Variants in CSAD observed in about 807,000 individuals in gnomAD.
CSAD encodes cysteine sulfinic acid decarboxylase.
Under a neutral mutation model 61.5 loss-of-function variants are expected in CSAD, and 47 were observed. The ratio of observed to expected loss-of-function variants is 0.76; its 90% confidence interval spans 0.60 to 0.97. The LOEUF is 0.97. Ranked by LOEUF, CSAD falls within the 50% of genes least tolerant of loss-of-function variation. CSAD has a pLI of 0.00. For missense variants in CSAD, 611 were observed against 643.6 expected (o/e 0.95, Z 0.55); for synonymous variants, 245 against 252.7 (o/e 0.97, Z 0.29).
intron 8 of CSAD, chr12:53,171,021 A>C: frequency 1.9e-6 from 1 of 537,210 alleles, no homozygotes; most frequent in African/African-American, 1.9e-5. Flanking sequence ...GTGCCCGGCC[A>C]GATTCTGCAT....
chr12:53,180,080 G>A, intron 1 of CSAD: 1 of 1,393,596 alleles, frequency 7.2e-7, no homozygotes, highest in Non-Finnish European at 9.3e-7. Context: ...GAGGAGGGCT[G>A]GGGCTTTGAC....
At chr12:53,162,544 G>A (rs568629237) in intron 10 of CSAD, among the ~76,000 whole-genome samples, 11 of 152,248 alleles carry the variant, frequency 7.2e-5, no homozygotes, top group African/African-American at 2.4e-4. Flanking sequence ...CTCCAGTCTG[G>A]GTGACAAAGT....
chr12:53,170,596 G>T, intron 8 of CSAD, 94 bp from the exon 9 acceptor site: 1 of 915,072 alleles, frequency 1.1e-6, no homozygotes, highest in South Asian at 1.3e-5. Flanking sequence ...ATGGGATCCT[G>T]TAGACCAGGG....
chr12:53,173,863 A>T, intron 2 of CSAD, 93 bp from the exon 3 acceptor site: 1 of 1,243,290 alleles, frequency 8.0e-7, no homozygotes, highest in Non-Finnish European at 1.2e-6. Context: ...TGTTGCAACC[A>T]TCATCACTAT....
chr12:53,160,735 G>T, intron 13 of CSAD, 28 bp downstream of exon 13: 2 of 1,531,020 alleles, frequency 1.3e-6, no homozygotes, highest in Non-Finnish European at 1.8e-6. Flanking sequence ...GAGAGGTGGG[G>T]CTGGTGCAGG....
chr12:53,171,626 C>G (rs1230143515), intron 7 of CSAD, 185 bp from the exon 8 acceptor site: 2 of 647,176 alleles, frequency 3.1e-6, no homozygotes, highest in Non-Finnish European at 5.3e-6. Flanking sequence ...TTGACCACAC[C>G]TCTCCACATC....
intron 3 of CSAD, 116 bp downstream of exon 3, chr12:53,173,612 G>GC: frequency 6.6e-7 from 1 of 1,516,936 alleles, no homozygotes; most frequent in Non-Finnish European, 9.1e-7. Context: ...ACAGACAAGG[G>GC]CAAGTGAGAG....
At chr12:53,172,262 C>A in intron 6 of CSAD, 84 bp downstream of exon 6, 2 of 1,223,372 alleles carry the variant, frequency 1.6e-6, no homozygotes, top group Non-Finnish European at 2.4e-6. Context: ...GAGGGCAGAA[C>A]CATTCTCCTC....
At position 53,160,324 on chromosome 12, in the gene CSAD, G is replaced by T. The variant is rs779233686; in HGVS notation, c.967-5C>A. ...ATGGCAGCGCTTGAGCAGGTTCTGT[G>T]TGGGGGTGAGGAGATTGTCAGACCC... On this transcript the variant is annotated splice_region_variant and splice_polypyrimidine_tract_variant and intron_variant, in intron 13 of 16. Coordinates refer to ENST00000444623, the MANE Select transcript of CSAD (RefSeq NM_001244705.2). 1 of 1,613,978 alleles carries T rather than the reference G, an allele frequency of 6.2e-7. No individual in the cohort carries two copies. Among genetic ancestry groups the T allele is most frequent in the Non-Finnish European group, 8.5e-7 (1 of 1,179,998 alleles).
In CSAD at chr12:53,171,927, G is replaced by A. The variant is rs140068701; in HGVS notation, c.406C>T (p.Arg136Trp). The A allele has an allele frequency of 4.1e-4, 667 of 1,613,154 alleles. No homozygotes were observed. The highest frequency in any genetic ancestry group is 6.6e-4 in the Middle Eastern group (4 of 6,084). ...CCAGAGCTCCAGCCCACCAGGGCCC[G>A]CAGTTTCCTCAGCACCTCCTCTTCC... ...LMEEEVLRKL[R>W]ALVGWSSGDG... Residue 136 changes from arginine (R) to tryptophan (W), a missense_variant, in exon 7 of 17, where the codon CGG becomes TGG. Coordinates refer to ENST00000444623, the MANE Select transcript of CSAD (RefSeq NM_001244705.2).
At chr12:53,172,738 C>A in intron 4 of CSAD, 90 bp from the exon 5 acceptor site, 1 of 1,410,292 alleles carries the variant, frequency 7.1e-7, no homozygotes, top group Non-Finnish European at 9.4e-7. Context: ...CACGGCCAAC[C>A]TGCACTAAAA....
At chr12:53,159,503 C>A in intron 16 of CSAD, 120 bp downstream of exon 16, 2 of 757,514 alleles carry the variant, frequency 2.6e-6, no homozygotes, top group Non-Finnish European at 4.4e-6. Flanking sequence ...AGAGCATCCA[C>A]GCCTCAGAGC....
At chr12:53,169,964 A>G in intron 10 of CSAD, 108 bp downstream of exon 10, 1 of 935,130 alleles carries the variant, frequency 1.1e-6, no homozygotes, top group East Asian at 2.4e-5. Context: ...CACAGGGGAG[A>G]TGGGCATGGA....
intron 10 of CSAD, among the ~76,000 whole-genome samples, chr12:53,165,233 T>C (rs1939763756): frequency 6.6e-6 from 1 of 151,824 alleles, no homozygotes; most frequent in South Asian, 2.1e-4. Context: ...CCTAGCTCCT[T>C]GGGAGGCTGA....
intron 4 of CSAD, 118 bp downstream of exon 4, chr12:53,173,227 A>C: frequency 1.0e-6 from 1 of 975,034 alleles, no homozygotes; most frequent in Admixed American, 2.8e-5. Context: ...GAAGAAAGGA[A>C]AAAAGGAAGG....
intron 1 of CSAD, chr12:53,179,816 C>T: frequency 6.2e-7 from 1 of 1,613,888 alleles, no homozygotes; most frequent in Non-Finnish European, 8.5e-7. Context: ...CATCTCCTTC[C>T]ATCAAGCGCA....
chr12:53,159,289 T>C (rs950502162), intron 16 of CSAD, among the ~76,000 whole-genome samples: 5 of 152,216 alleles, frequency 3.3e-5, no homozygotes, highest in African/African-American at 1.2e-4. Flanking sequence ...CTCGGGTTGC[T>C]GTGTCCCTAG....
intron 1 of CSAD, chr12:53,179,489 C>T (rs1371299736): frequency 1.2e-5 from 5 of 424,036 alleles, no homozygotes; most frequent in African/African-American, 2.1e-5. Context: ...TGCGTTGTGT[C>T]GATTTGTAAA....
chr12:53,179,360 T>C (rs543986418), intron 1 of CSAD, among the ~76,000 whole-genome samples: 1 of 152,306 alleles, frequency 6.6e-6, no homozygotes, highest in African/African-American at 2.4e-5. Flanking sequence ...TGAAAAGATT[T>C]TTGTATGAAC....
Sources: allele counts gnomAD v4.1 joint callset (sites outside exome capture counted in the v4.1 genomes callset), GRCh38; gene constraint gnomAD v4.1.1; transcripts MANE v1.5; gene names NCBI Gene and HGNC (gene_info 2026-07-23, HGNC 2026-07-21).